Variants in LYRM7 observed in about 807,000 individuals in gnomAD.
The protein encoded by LYRM7 is complex III assembly factor LYRM7.
A neutral mutation model predicts 15.8 loss-of-function variants in LYRM7; 9 were observed. That is an observed-to-expected ratio of 0.57 (90% CI 0.34 to 0.99). The LOEUF is 0.99. Ranked by LOEUF, LYRM7 falls within the 50% of genes least tolerant of loss-of-function variation. LYRM7 has a pLI of 0.02. For missense variants in LYRM7, 115 were observed against 119.1 expected, an observed-to-expected ratio of 0.97 and a Z score of 0.16; for synonymous variants, 39 against 39.4, an observed-to-expected ratio of 0.99 and a Z score of 0.04.
chr5:131,184,027 G>A (rs1245899992), intron 3 of LYRM7, among the ~76,000 whole-genome samples: 3 of 151,728 alleles, frequency 2.0e-5, no homozygotes, highest in Non-Finnish European at 4.4e-5. Flanking sequence ...CTGGAGTGCA[G>A]TGGCATGATC....
Position 131,180,126 on chromosome 5 carries a change from C to T in LYRM7, c.50C>T (p.Thr17Ile). The change falls in exon 2 of 5, where the codon ACC (threonine) becomes ATC (isoleucine). Residue 17 changes from threonine to isoleucine, a missense_variant. Transcript: ENST00000379380. ...CAGCTCTTTAAAACACTGCACAGGACCAGACAACAAGTTTTTAAAAATGAT... is the reference window on the plus strand; with the variant it reads ...CAGCTCTTTAAAACACTGCACAGGATCAGACAACAAGTTTTTAAAAATGAT... ...VLQLFKTLHRTRQQVFKNDAR... is the reference protein window; with the variant it reads ...VLQLFKTLHRIRQQVFKNDAR... The T allele has an allele frequency of 6.2e-7, 1 of 1,612,732 alleles. No individual in the cohort carries two copies. The highest frequency in any genetic ancestry group is 1.7e-5 in the Admixed American group (1 of 59,936).
intron 4 of LYRM7, among the ~76,000 whole-genome samples, chr5:131,192,796 T>C (rs919338377): frequency 3.1e-4 from 47 of 152,232 alleles, no homozygotes; most frequent in African/African-American, 1.0e-3. Context: ...TGGTCTAGCA[T>C]AGCCTTTAAC....
At chr5:131,198,313 G>GA (rs1224672772) in intron 4 of LYRM7, among the ~76,000 whole-genome samples, 2 of 151,750 alleles carry the variant, frequency 1.3e-5, no homozygotes, top group Non-Finnish European at 1.5e-5. Flanking sequence ...ATGGCAAAAG[G>GA]AAAAAAAATT....
intron 3 of LYRM7, among the ~76,000 whole-genome samples, chr5:131,185,038 A>G (rs190858492): frequency 7.9e-5 from 12 of 152,222 alleles, no homozygotes; most frequent in African/African-American, 2.9e-4. Flanking sequence ...TCCTCCCTGT[A>G]ATTATCTCCG....
chr5:131,183,408 T>C (rs1031796046), intron 3 of LYRM7, among the ~76,000 whole-genome samples: 4 of 152,214 alleles, frequency 2.6e-5, no homozygotes, highest in African/African-American at 9.6e-5. Context: ...TGCTATTCAG[T>C]AGACTAATTC....
intron 1 of LYRM7, among the ~76,000 whole-genome samples, chr5:131,172,355 G>C (rs1755536308): frequency 6.6e-6 from 1 of 152,230 alleles, no homozygotes; most frequent in Non-Finnish European, 1.5e-5. Flanking sequence ...GGAGGTTGCA[G>C]TGAGCCGAGA....
At chr5:131,171,141 C>T (rs1169348440) in intron 1 of LYRM7, 103 bp downstream of exon 1, 8 of 1,195,468 alleles carry the variant, frequency 6.7e-6, no homozygotes, top group Non-Finnish European at 8.9e-6. Flanking sequence ...GCTCCTGACC[C>T]TTTATGGAGG....
In LYRM7 at chr5:131,171,339, G is replaced by T. The variant is rs183701567; in HGVS notation, c.18+301G>T. Among the ~76,000 whole-genome samples the T allele has an allele frequency of 2.6e-3, 398 of 152,276 alleles. 5 individuals carry two copies. Among genetic ancestry groups the T allele is most frequent in the Non-Finnish European group, 4.6e-3 (314 of 68,020 alleles). On this transcript the variant is annotated intron_variant, in intron 1 of 4. Coordinates refer to ENST00000379380, the MANE Select transcript of LYRM7 (RefSeq NM_181705.4). ...TGCCCTCGTTTCATCTTCAGACCGA[G>T]TATTTGTCTGAGGGACCCATTTCAT... is the stretch of plus-strand genomic sequence containing the variant.
intron 2 of LYRM7, among the ~76,000 whole-genome samples, chr5:131,180,616 A>C (rs1755675815): frequency 6.6e-6 from 1 of 152,196 alleles, no homozygotes; most frequent in Non-Finnish European, 1.5e-5. Context: ...TCTGGAAGTC[A>C]CAGGCTCTGA....
rs144249672 is a variant in LYRM7, at chr5:131,180,127, C to T, written c.51C>T (p.Thr17=). The T allele has an allele frequency of 5.8e-4, 939 of 1,612,786 alleles. No individual in the cohort carries two copies. Among genetic ancestry groups the T allele is most frequent in the Non-Finnish European group, 7.6e-4 (901 of 1,179,208 alleles). ...AGCTCTTTAAAACACTGCACAGGAC[C>T]AGACAACAAGTTTTTAAAAATGATG... The part of the protein sequence containing the change: ...VLQLFKTLHR[T]RQQVFKNDAR... Residue 17 remains threonine (T), a synonymous_variant, in exon 2 of 5, where the codon ACC becomes ACT. Transcript: ENST00000379380.
At chr5:131,189,409 C>T (rs1755849393) in intron 4 of LYRM7, among the ~76,000 whole-genome samples, 1 of 127,880 alleles carries the variant, frequency 7.8e-6, no homozygotes, top group African/African-American at 3.1e-5. Context: ...AGCCACTGCC[C>T]TGCAGCCTGG....
intron 3 of LYRM7, among the ~76,000 whole-genome samples, chr5:131,182,888 A>G (rs1283880371): frequency 1.3e-5 from 2 of 152,164 alleles, no homozygotes; most frequent in African/African-American, 4.8e-5. Context: ...GCATATACAT[A>G]TTATCTCTGT....
intron 4 of LYRM7, among the ~76,000 whole-genome samples, chr5:131,191,325 A>T (rs909471636): frequency 6.6e-6 from 1 of 152,134 alleles, no homozygotes; most frequent in African/African-American, 2.4e-5. Context: ...ACAAGAATAA[A>T]AATTCTGCTT....
chr5:131,197,537 C>A (rs1429758305), intron 4 of LYRM7, among the ~76,000 whole-genome samples: 2 of 103,540 alleles, frequency 1.9e-5, no homozygotes, highest in African/African-American at 7.2e-5. Context: ...GTGTTGTCTT[C>A]TGTCTTTTTT....
At chr5:131,181,417 T>TATATATAAAACATATATATG (rs1246590037) in intron 2 of LYRM7, among the ~76,000 whole-genome samples, 1 of 106,200 alleles carries the variant, frequency 9.4e-6, no homozygotes, top group African/African-American at 5.3e-5. Flanking sequence ...ATATATATGT[T>TATATATAAAACATATATATG]TATATATATA....
rs1756049871 is a variant in LYRM7 at position 131,200,828 on chromosome 5, A to AAT, written c.*1234_*1235dup. 6.6e-6 allele frequency: 1 copy of AAT among 152,100 alleles called. No individual in the cohort carries two copies. The highest frequency in any genetic ancestry group is 2.4e-5 in the African/African-American group (1 of 41,422). The allele number at this position is 152,100 out of a possible 1,614,324, so 9.4% of individuals were successfully genotyped here. On this transcript the variant is annotated 3_prime_UTR_variant, in exon 5 of 5. Coordinates refer to ENST00000379380, the MANE Select transcript of LYRM7 (RefSeq NM_181705.4). ...AAGTTGGCTGACGTTATTTAAATTT[A>AAT]ATATATATTCTATATTTTAGTGTTA... is the stretch of plus-strand genomic sequence containing the variant.
rs1756160336 is a variant in LYRM7 at position 131,205,290 on chromosome 5, T to C, written c.*5689T>C. On this transcript the variant is annotated 3_prime_UTR_variant, in exon 5 of 5. Transcript: ENST00000379380. ...TTTGTGATTTTAAAATGTAAATGAA[T>C]GGCGTTATGCTCCATGTATTCTGCA... is the stretch of plus-strand genomic sequence containing the variant. 6.6e-6 allele frequency: 1 copy of C among 152,200 alleles called. No homozygotes were observed. Among genetic ancestry groups the C allele is most frequent in the Non-Finnish European group, 1.5e-5 (1 of 68,028 alleles). 9.4% of individuals were successfully genotyped at this position (152,200 alleles called of 1,614,324 possible).
chr5:131,180,226 T>G (rs956754095), intron 2 of LYRM7, 59 bp downstream of exon 2: 112 of 1,199,720 alleles, frequency 9.3e-5, no homozygotes, highest in Non-Finnish European at 1.3e-4. Context: ...TACTAATCTC[T>G]CTGAGAAACC....
intron 1 of LYRM7, among the ~76,000 whole-genome samples, chr5:131,176,230 G>A (rs1271889091): frequency 6.6e-6 from 1 of 152,120 alleles, no homozygotes; most frequent in Non-Finnish European, 1.5e-5. Flanking sequence ...GTTTTCATTT[G>A]TCTTGAGTAT....
Sources: gnomAD v4.1 joint callset for allele counts (sites outside exome capture counted in the v4.1 genomes callset) on GRCh38, gnomAD v4.1.1 for gene constraint, MANE v1.5 for transcripts, NCBI Gene and HGNC (gene_info 2026-07-23, HGNC 2026-07-21) for gene names.